The following ZBTB44 variants were observed in gnomAD, a reference collection of about 807,000 sequenced individuals.
The protein encoded by ZBTB44 is zinc finger and BTB domain containing 44.
Under a neutral mutation model 54.0 loss-of-function variants are expected in ZBTB44, and 15 were observed. That is an observed-to-expected ratio of 0.28 (90% CI 0.19 to 0.43). The LOEUF (loss-of-function observed/expected upper bound fraction) is 0.43, where lower values mean the gene tolerates loss of function less well. Ranked by LOEUF, ZBTB44 falls within the 20% of genes least tolerant of loss-of-function variation. The pLI is 1.00. For missense variants in ZBTB44, 487 were observed against 707.1 expected (o/e 0.69, Z 3.53); for synonymous variants, 230 against 250.1 (o/e 0.92, Z 0.76).
intron 1 of ZBTB44, among the ~76,000 whole-genome samples, chr11:130,280,398 T>C (rs1940419431): frequency 6.6e-6 from 1 of 152,110 alleles, no homozygotes; most frequent in Non-Finnish European, 1.5e-5. Context: ...GATTAACTCA[T>C]CAAGTGAAAC....
chr11:130,280,725 G>C (rs186435256), intron 1 of ZBTB44, among the ~76,000 whole-genome samples: 142 of 152,276 alleles, frequency 9.3e-4, no homozygotes, highest in African/African-American at 3.2e-3. Context: ...ACTTCTTTAC[G>C]TTGACTTGTT....
intron 1 of ZBTB44, among the ~76,000 whole-genome samples, chr11:130,280,863 C>T (rs1014523151): frequency 6.6e-6 from 1 of 152,070 alleles, no homozygotes; most frequent in Non-Finnish European, 1.5e-5. Context: ...ATTTTTCTTG[C>T]CTTTTTGCAC....
At chr11:130,297,915 A>G (rs1373844896) in intron 1 of ZBTB44, among the ~76,000 whole-genome samples, 2 of 151,740 alleles carry the variant, frequency 1.3e-5, no homozygotes, top group Non-Finnish European at 2.9e-5. Flanking sequence ...ATTCTCAAAT[A>G]TATGTTTTTT....
At chr11:130,311,244 T>C (rs1024219958) in intron 1 of ZBTB44, among the ~76,000 whole-genome samples, 1 of 151,840 alleles carries the variant, frequency 6.6e-6, no homozygotes, top group African/African-American at 2.4e-5. Context: ...TCTCACTCTG[T>C]CATCCAGGCT....
At chr11:130,286,358 A>T (rs907699034) in intron 1 of ZBTB44, among the ~76,000 whole-genome samples, 3 of 152,220 alleles carry the variant, frequency 2.0e-5, no homozygotes, top group Non-Finnish European at 2.9e-5. Context: ...ATGTATTTTT[A>T]AAATTACAAT....
chr11:130,290,219 T>C (rs890477207), intron 1 of ZBTB44, among the ~76,000 whole-genome samples: 4 of 152,122 alleles, frequency 2.6e-5, no homozygotes, highest in East Asian at 1.9e-4. Flanking sequence ...ATGAATGATA[T>C]AGTCACAAGA....
At chr11:130,302,863 T>C (rs1034994889) in intron 1 of ZBTB44, among the ~76,000 whole-genome samples, 2 of 152,072 alleles carry the variant, frequency 1.3e-5, no homozygotes, top group African/African-American at 2.4e-5. Context: ...TAATCCCAGC[T>C]ACTCGGGAGG....
At chr11:130,288,206 T>C (rs1941084635) in intron 1 of ZBTB44, among the ~76,000 whole-genome samples, 2 of 151,290 alleles carry the variant, frequency 1.3e-5, no homozygotes, top group Admixed American at 1.3e-4. Flanking sequence ...AACCCCCGTC[T>C]CTACCAAAAA....
At chr11:130,268,680 G>T (rs964347776) in intron 1 of ZBTB44, among the ~76,000 whole-genome samples, 1 of 151,974 alleles carries the variant, frequency 6.6e-6, no homozygotes, top group African/African-American at 2.4e-5. Flanking sequence ...CCGGGTTCAA[G>T]CAATTCTCCT....
chr11:130,266,081 A>C (rs1172453316), intron 1 of ZBTB44, among the ~76,000 whole-genome samples: 1 of 152,230 alleles, frequency 6.6e-6, no homozygotes, highest in African/African-American at 2.4e-5. Context: ...TCAAAACTTC[A>C]AAGGACGGGA....
intron 1 of ZBTB44, among the ~76,000 whole-genome samples, chr11:130,276,141 G>A (rs1220053524): frequency 4.0e-5 from 6 of 150,426 alleles, no homozygotes; most frequent in Admixed American, 2.6e-4. Context: ...CAGGAGAATC[G>A]CTTGAACTCG....
intron 1 of ZBTB44, among the ~76,000 whole-genome samples, chr11:130,313,321 C>A (rs900193768): frequency 1.3e-5 from 2 of 152,130 alleles, no homozygotes; most frequent in African/African-American, 4.8e-5. Flanking sequence ...AAATGCCAAG[C>A]AGTACTGCAC....
chr11:130,292,811 G>A (rs777684416), intron 1 of ZBTB44, among the ~76,000 whole-genome samples: 1 of 152,118 alleles, frequency 6.6e-6, no homozygotes, highest in Non-Finnish European at 1.5e-5. Context: ...AAATGTATAC[G>A]TGTACTCAAA....
chr11:130,238,777 G>T, intron 3 of ZBTB44, 170 bp from the exon 4 acceptor site: 2 of 709,588 alleles, frequency 2.8e-6, no homozygotes, highest in Non-Finnish European at 4.2e-6. Context: ...CAATGTTAAT[G>T]TCCAGAATGC....
chr11:130,261,182 G>C lies in ZBTB44; in HGVS notation c.692C>G (p.Thr231Ser). 1 of 1,613,964 alleles carries C rather than the reference G, an allele frequency of 6.2e-7. No individual in the cohort carries two copies. The highest frequency in any genetic ancestry group is 8.5e-7 in the Non-Finnish European group (1 of 1,179,878). ...PVDSSLAFPW[T>S]FPFGIDRRIQ... ...CCTTCGATCAATTCCAAAAGGAAAA[G>C]TCCAAGGAAAAGCTAAGGAAGAGTC... is the stretch of plus-strand genomic sequence containing the variant. The change falls in exon 2 of 8, where the codon ACT (threonine) becomes AGT (serine). Residue 231 changes from threonine (T) to serine (S), a missense_variant. Coordinates refer to ENST00000357899, the MANE Select transcript of ZBTB44 (RefSeq NM_001301098.2). This position sits in a 1 kb window ranked among gnomAD's most constrained non-coding sequence, Gnocchi z 4.8.
chr11:130,272,688 C>CT (rs146449870), intron 1 of ZBTB44, among the ~76,000 whole-genome samples: 3,848 of 141,318 alleles, frequency 0.027, 89 homozygotes, highest in Admixed American at 0.073. Flanking sequence ...TTACTAATAT[C>CT]TTTTTTTTTT....
At chr11:130,244,424 T>G (rs978838634) in intron 2 of ZBTB44, among the ~76,000 whole-genome samples, 2 of 152,070 alleles carry the variant, frequency 1.3e-5, no homozygotes, top group Non-Finnish European at 2.9e-5. Context: ...TCCCAGCACT[T>G]TGGGAGGCCG....
At chr11:130,259,203 C>G (rs759465128) in intron 2 of ZBTB44, among the ~76,000 whole-genome samples, 2 of 152,178 alleles carry the variant, frequency 1.3e-5, no homozygotes, top group African/African-American at 4.8e-5. Flanking sequence ...TGACTTTCTT[C>G]ACGGAATTGG....
intron 1 of ZBTB44, among the ~76,000 whole-genome samples, chr11:130,266,195 A>G (rs559217786): frequency 6.6e-6 from 1 of 152,346 alleles, no homozygotes; most frequent in East Asian, 1.9e-4. Flanking sequence ...GGCTCAATCT[A>G]TTCTGCCTGT....
Sources: gnomAD v4.1 joint callset for allele counts (sites outside exome capture counted in the v4.1 genomes callset) on GRCh38, gnomAD v4.1.1 for gene constraint, Gnocchi (gnomAD v3.1) non-coding constraint, MANE v1.5 for transcripts, NCBI Gene and HGNC (gene_info 2026-07-23, HGNC 2026-07-21) for gene names.